The following LMO7 variants were observed in gnomAD, a reference collection of about 807,000 sequenced individuals.
The protein encoded by LMO7 is LIM domain 7.
Under a neutral mutation model 206.5 loss-of-function variants are expected in LMO7, and 120 were observed. That is an observed-to-expected ratio of 0.58 (90% CI 0.50 to 0.68). The LOEUF (loss-of-function observed/expected upper bound fraction) is 0.68. Ranked by LOEUF, LMO7 falls within the 30% of genes least tolerant of loss-of-function variation. The pLI, the probability that LMO7 is intolerant of heterozygous loss-of-function variation, is 0.00. For synonymous variants in LMO7, 706 were observed against 681.5 expected (o/e 1.04, Z -0.56); for missense variants, 1,959 against 1,957.9 (o/e 1.00, Z -0.01).
chr13:75,759,291 A>G (rs964151003), intron 3 of LMO7, among the ~76,000 whole-genome samples: 1 of 152,200 alleles, frequency 6.6e-6, no homozygotes, highest in Non-Finnish European at 1.5e-5. Context: ...GCCAAACCAT[A>G]TCATTATGGA....
rs141502128 is a variant in LMO7, at chr13:75,666,132, T to C, written c.69+29406T>C. 2.3e-3 allele frequency among the ~76,000 whole-genome samples: 350 copies of C among 152,336 alleles called. 3 individuals carry two copies. Among genetic ancestry groups the C allele is most frequent in the African/African-American group, 7.3e-3 (304 of 41,578 alleles). ...CTTATGTTTTTGGTTTTGTTATTTG[T>C]ATTGATATAGACCATGCATGTAACA... On this transcript the variant is annotated intron_variant, in intron 1 of 30. Coordinates refer to ENST00000377534, the MANE Select transcript of LMO7 (RefSeq NM_001306080.2).
At chr13:75,703,450 A>G (rs1465721048) in intron 1 of LMO7, among the ~76,000 whole-genome samples, 1 of 152,156 alleles carries the variant, frequency 6.6e-6, no homozygotes, top group Non-Finnish European at 1.5e-5. Flanking sequence ...ATGCGCTGAT[A>G]TATAGAGAAC....
intron 1 of LMO7, among the ~76,000 whole-genome samples, chr13:75,705,927 C>T (rs1199085838): frequency 1.3e-5 from 2 of 151,908 alleles, no homozygotes; most frequent in Non-Finnish European, 2.9e-5. Context: ...GATGTTGCAT[C>T]TGGCAAAACA....
intron 1 of LMO7, among the ~76,000 whole-genome samples, chr13:75,710,371 T>G (rs2042998000): frequency 6.6e-6 from 1 of 152,234 alleles, no homozygotes; most frequent in South Asian, 2.1e-4. Flanking sequence ...TGGCATTGAA[T>G]CTATAAATTA....
intron 4 of LMO7, among the ~76,000 whole-genome samples, chr13:75,772,346 T>G (rs1003837661): frequency 7.9e-5 from 12 of 152,078 alleles, no homozygotes; most frequent in Non-Finnish European, 4.4e-5. Flanking sequence ...AACTAGTAGA[T>G]GGGTTAGATG....
At chr13:75,832,929 C>G in intron 15 of LMO7, 122 bp from the exon 16 acceptor site, 1 of 559,796 alleles carries the variant, frequency 1.8e-6, no homozygotes, top group Non-Finnish European at 3.3e-6. Flanking sequence ...AATGAAGCTT[C>G]TAGTTTATCA....
At chr13:75,788,939 T>G (rs1445783913) in intron 4 of LMO7, 3 of 152,316 alleles carry the variant, frequency 2.0e-5, no homozygotes, top group African/African-American at 7.2e-5. Flanking sequence ...TGAGTTGCAG[T>G]TGTTCTGGGC....
intron 28 of LMO7, among the ~76,000 whole-genome samples, chr13:75,854,594 C>T (rs1026954352): frequency 1.1e-4 from 17 of 152,026 alleles, no homozygotes; most frequent in African/African-American, 3.1e-4. Context: ...GAACGGGTGC[C>T]GCCTTACCAA....
chr13:75,808,943 A>G (rs1268530585), intron 10 of LMO7, among the ~76,000 whole-genome samples: 1 of 152,206 alleles, frequency 6.6e-6, no homozygotes, highest in African/African-American at 2.4e-5. Context: ...CTCAGAGTAA[A>G]TTGAGGAAAT....
intron 2 of LMO7, among the ~76,000 whole-genome samples, chr13:75,626,595 A>ATATATATATATATATTTTTTTTTTTTTTT: frequency 9.8e-5 from 7 of 71,160 alleles, no homozygotes; most frequent in East Asian, 6.0e-4. Context: ...ATATATATAA[A>ATATATATATATATATTTTTTTTTTTTTTT]TTTTTTTGAG....
At chr13:75,730,565 C>G (rs1158965894) in intron 3 of LMO7, among the ~76,000 whole-genome samples, 2 of 150,162 alleles carry the variant, frequency 1.3e-5, no homozygotes, top group African/African-American at 4.9e-5. Context: ...TTTGTTGATC[C>G]TTTCAAAAAA....
chr13:75,838,409 C>T lies in LMO7; in HGVS notation c.3451+213C>T, dbSNP rs565122285. 4.0e-5 allele frequency: 52 copies of T among 1,295,676 alleles called. No individual in the cohort carries two copies. In the African/African-American group the frequency reaches 8.1e-4, roughly 20 times the overall value. 80.3% of individuals were successfully genotyped at this position (1,295,676 alleles called of 1,614,324 possible). A position where few individuals can be genotyped will look rare whatever the true frequency, so the allele number is the denominator to read the frequency against. Reference sequence around the variant, plus strand: ...CTGTGGTAATGGGTCTTTGTGTGTCCTTTGTATACCTCTAAACATTTTACT... The same window carrying T: ...CTGTGGTAATGGGTCTTTGTGTGTCTTTTGTATACCTCTAAACATTTTACT... On this transcript the variant is annotated intron_variant, in intron 20 of 30. Transcript: ENST00000377534.
chr13:75,661,307 T>C (rs1229870275), intron 1 of LMO7, among the ~76,000 whole-genome samples: 1 of 152,210 alleles, frequency 6.6e-6, no homozygotes, highest in African/African-American at 2.4e-5. Context: ...AGCCCTACTT[T>C]TAGACAGAGA....
chr13:75,729,301 A>C (rs1296066185), intron 3 of LMO7, among the ~76,000 whole-genome samples: 14 of 138,630 alleles, frequency 1.0e-4, no homozygotes, highest in South Asian at 2.4e-4. Context: ...CTTTTATTTC[A>C]TTGAGCAGTG....
At chr13:75,792,752 C>T (rs566038720) in intron 4 of LMO7, among the ~76,000 whole-genome samples, 1 of 152,302 alleles carries the variant, frequency 6.6e-6, no homozygotes, top group East Asian at 1.9e-4. Context: ...TCATTGACTA[C>T]TTGAATTCCT....
intron 1 of LMO7, among the ~76,000 whole-genome samples, chr13:75,684,493 CCTT>C (rs2040812622): frequency 6.6e-6 from 1 of 151,488 alleles, no homozygotes; most frequent in Non-Finnish European, 1.5e-5. Flanking sequence ...GATCCGCCCT[CCTT>C]GGCCTCCCAA....
intron 2 of LMO7, among the ~76,000 whole-genome samples, chr13:75,724,653 G>A (rs533920726): frequency 1.1e-4 from 17 of 152,252 alleles, no homozygotes; most frequent in African/African-American, 4.1e-4. Flanking sequence ...TTTCACAGAA[G>A]TTTAGATTTT....
intron 18 of LMO7, among the ~76,000 whole-genome samples, 189 bp downstream of exon 18, chr13:75,835,528 A>G (rs1030876614): frequency 6.6e-6 from 1 of 152,212 alleles, no homozygotes; most frequent in Non-Finnish European, 1.5e-5. Flanking sequence ...GGCATTCCTC[A>G]TAGAGTAGTT....
chr13:75,821,032 T>G (rs1037517372), intron 13 of LMO7, 145 bp from the exon 14 acceptor site: 46 of 635,876 alleles, frequency 7.2e-5, no homozygotes, highest in Non-Finnish European at 1.1e-4. Context: ...GTATACATCT[T>G]TATGCTCTGT....
Sources: gnomAD v4.1 joint callset for allele counts (sites outside exome capture counted in the v4.1 genomes callset) on GRCh38, gnomAD v4.1.1 for gene constraint, MANE v1.5 for transcripts, NCBI Gene and HGNC (gene_info 2026-07-23, HGNC 2026-07-21) for gene names.